Variants in HS6ST1 observed in about 807,000 individuals in gnomAD.
HS6ST1 encodes the protein heparan-sulfate 6-O-sulfotransferase 1.
In HS6ST1, 3 loss-of-function variants were observed where a neutral mutation model predicts 25.2. The ratio of observed to expected loss-of-function variants is 0.12; its 90% confidence interval spans 0.05 to 0.31. The LOEUF (loss-of-function observed/expected upper bound fraction) is 0.31. Among genes scored for constraint, HS6ST1 ranks in the 10% least tolerant of loss-of-function variants. The pLI is 1.00. For synonymous variants in HS6ST1, 204 were observed against 275.1 expected (o/e 0.74, Z 2.56); for missense variants, 310 against 609.6 (o/e 0.51, Z 5.18).
intron 1 of HS6ST1, among the ~76,000 whole-genome samples, chr2:128,299,895 T>A (rs953476167): frequency 6.6e-6 from 1 of 152,164 alleles, no homozygotes; most frequent in Admixed American, 6.5e-5. Context: ...ACACAGCTTG[T>A]GGCAGCACAA....
rs1301339369 is a variant in HS6ST1 at position 128,266,091 on chromosome 2, T to C, written c.*2071A>G. 6.6e-6 allele frequency: 1 copy of C among 151,354 alleles called. No homozygotes were observed. The highest frequency in any genetic ancestry group is 6.6e-5 in the Admixed American group (1 of 15,220). 9.4% of individuals were successfully genotyped at this position (151,354 alleles called of 1,614,324 possible). ...GGGCATAAGTTAACACATATTCCAA[T>C]ATGTACAAAACAACCTGCGCTCAGG... is the stretch of plus-strand genomic sequence containing the variant. On this transcript the variant is annotated 3_prime_UTR_variant, in exon 2 of 2. Coordinates refer to ENST00000259241, the MANE Select transcript of HS6ST1 (RefSeq NM_004807.3).
chr2:128,307,402 C>T (rs1694229233), intron 1 of HS6ST1, among the ~76,000 whole-genome samples: 1 of 152,206 alleles, frequency 6.6e-6, no homozygotes, highest in African/African-American at 2.4e-5. Context: ...TGGCATGTGA[C>T]TCAGCTGGAA....
rs1206409902 is a variant in HS6ST1 at position 128,266,139 on chromosome 2, G to A, written c.*2023C>T. 6.6e-6 allele frequency: 1 copy of A among 151,948 alleles called. No homozygotes were observed. Among genetic ancestry groups the A allele is most frequent in the African/African-American group, 2.4e-5 (1 of 41,358 alleles). 9.4% of individuals were successfully genotyped at this position (151,948 alleles called of 1,614,324 possible). A position where few individuals can be genotyped will look rare whatever the true frequency, so the allele number is the denominator to read the frequency against. ...AGGCCCGCGCACCCAGGAAGCCCATGGTGAAGGTGAGGTCACCTTGAGCCA... is the reference window on the plus strand; with the variant it reads ...AGGCCCGCGCACCCAGGAAGCCCATAGTGAAGGTGAGGTCACCTTGAGCCA... On this transcript the variant is annotated 3_prime_UTR_variant, in exon 2 of 2. Coordinates refer to ENST00000259241, the MANE Select transcript of HS6ST1 (RefSeq NM_004807.3).
chr2:128,276,880 T>C (rs562923905), intron 1 of HS6ST1, among the ~76,000 whole-genome samples: 3 of 152,214 alleles, frequency 2.0e-5, no homozygotes, highest in African/African-American at 7.2e-5. Flanking sequence ...TCCTACGAGC[T>C]ACGCTGCTGT....
intron 1 of HS6ST1, among the ~76,000 whole-genome samples, chr2:128,279,157 C>T (rs1693741521): frequency 6.6e-6 from 1 of 152,042 alleles, no homozygotes; most frequent in African/African-American, 2.4e-5. Context: ...CCTCCCCTCC[C>T]ATGCCCGAAG....
In HS6ST1 at chr2:128,286,244, T is replaced by C. The variant is rs1402639500; in HGVS notation, c.528-17374A>G. Among the ~76,000 whole-genome samples, 3 of 152,324 alleles carry C rather than the reference T, an allele frequency of 2.0e-5. No individual in the cohort carries two copies. The East Asian group carries it at 5.8e-4, about 29-fold the overall frequency. ...GTCCCTGTCCCATCCAATCTGCCAT[T>C]CCTATTCCTCCCTCCCAGGGGGAAT... On this transcript the variant is annotated intron_variant, in intron 1 of 1. Transcript: ENST00000259241.
chr2:128,288,499 GC>G (rs1207825245), intron 1 of HS6ST1, among the ~76,000 whole-genome samples: 2 of 152,130 alleles, frequency 1.3e-5, no homozygotes, highest in Non-Finnish European at 2.9e-5. Context: ...TGCACAATGG[GC>G]AAAAGAGCCA....
At chr2:128,316,709 G>T (rs949094836) in intron 1 of HS6ST1, among the ~76,000 whole-genome samples, 3 of 142,918 alleles carry the variant, frequency 2.1e-5, no homozygotes, top group African/African-American at 9.1e-5. Context: ...GTGTGTGTGG[G>T]TGTGTGTGTG....
intron 1 of HS6ST1, among the ~76,000 whole-genome samples, chr2:128,293,026 C>G (rs928362878): frequency 6.6e-6 from 1 of 152,172 alleles, no homozygotes; most frequent in Non-Finnish European, 1.5e-5. Context: ...GCTGCAGCCC[C>G]CCGCTGCCCA....
rs1323892985 is a variant in HS6ST1 at position 128,268,058 on chromosome 2, C to G, written c.*104G>C. 5.2e-6 allele frequency: 4 copies of G among 776,282 alleles called. No homozygotes were observed. The highest frequency in any genetic ancestry group is 8.5e-6 in the Non-Finnish European group (4 of 468,450). 48.1% of individuals were successfully genotyped at this position (776,282 alleles called of 1,614,324 possible). ...TCAGGACGCAGCTACCTCTGTGGAGCAGGTTTGGGATGCTCATCCCTTGAC... is the reference window on the plus strand; with the variant it reads ...TCAGGACGCAGCTACCTCTGTGGAGGAGGTTTGGGATGCTCATCCCTTGAC... On this transcript the variant is annotated 3_prime_UTR_variant, in exon 2 of 2. Coordinates refer to ENST00000259241, the MANE Select transcript of HS6ST1 (RefSeq NM_004807.3).
chr2:128,317,788 C>G (rs1337478713), intron 1 of HS6ST1, among the ~76,000 whole-genome samples: 1 of 152,170 alleles, frequency 6.6e-6, no homozygotes, highest in East Asian at 1.9e-4. Context: ...GCAGTCAAGC[C>G]GGCAGTAGGG....
chr2:128,317,224 C>T (rs1447131169), intron 1 of HS6ST1, among the ~76,000 whole-genome samples: 6 of 152,248 alleles, frequency 3.9e-5, no homozygotes, highest in Non-Finnish European at 7.3e-5. Context: ...CTCCCATGCT[C>T]TGTGTCCTCA....
intron 1 of HS6ST1, among the ~76,000 whole-genome samples, chr2:128,305,565 C>T (rs1694196837): frequency 1.3e-5 from 2 of 152,330 alleles, no homozygotes; most frequent in Middle Eastern, 3.4e-3. Context: ...AGGGTTGGAG[C>T]CCGGCTGGCT....
chr2:128,293,433 C>T (rs1215769312), intron 1 of HS6ST1, among the ~76,000 whole-genome samples: 1 of 152,244 alleles, frequency 6.6e-6, no homozygotes, highest in Non-Finnish European at 1.5e-5. Flanking sequence ...GCTGCCACCA[C>T]CTGCTGGGCA....
At chr2:128,290,355 C>T (rs1437024240) in intron 1 of HS6ST1, among the ~76,000 whole-genome samples, 4 of 152,126 alleles carry the variant, frequency 2.6e-5, no homozygotes. Context: ...ATGAGGCCAA[C>T]ATAATCCTAA....
intron 1 of HS6ST1, among the ~76,000 whole-genome samples, chr2:128,288,989 G>A (rs899123062): frequency 3.3e-5 from 5 of 152,266 alleles, no homozygotes; most frequent in East Asian, 1.9e-4. Context: ...AGCGAAGAGG[G>A]GCTGACACCT....
intron 1 of HS6ST1, among the ~76,000 whole-genome samples, chr2:128,271,752 T>C (rs1006693949): frequency 2.0e-5 from 3 of 152,208 alleles, no homozygotes; most frequent in Non-Finnish European, 4.4e-5. Context: ...GATCCTGGCC[T>C]GCAGTGACGG....
chr2:128,304,290 A>T (rs932376387), intron 1 of HS6ST1, among the ~76,000 whole-genome samples: 4 of 151,966 alleles, frequency 2.6e-5, no homozygotes, highest in African/African-American at 9.7e-5. Context: ...ACGCTGGGGG[A>T]TGCTGCCAGC....
At chr2:128,269,466 G>A (rs370777061) in intron 1 of HS6ST1, among the ~76,000 whole-genome samples, 7 of 152,276 alleles carry the variant, frequency 4.6e-5, no homozygotes, top group Admixed American at 1.3e-4. Context: ...GTAACGGTGC[G>A]TGCACAAGGG....
Sources: gnomAD v4.1 joint callset for allele counts (sites outside exome capture counted in the v4.1 genomes callset) on GRCh38, gnomAD v4.1.1 for gene constraint, MANE v1.5 for transcripts, NCBI Gene and HGNC (gene_info 2026-07-23, HGNC 2026-07-21) for gene names.